Variants in FDPS observed in about 807,000 individuals in gnomAD.
FDPS encodes farnesyl pyrophosphate synthase.
In FDPS, 29 loss-of-function variants were observed where a neutral mutation model predicts 49.5. The observed-to-expected ratio is 0.59, with a 90% CI of 0.44 to 0.80. The LOEUF is 0.80. Among genes scored for constraint, FDPS ranks in the 30% least tolerant of loss-of-function variants. FDPS has a pLI of 0.00. For synonymous variants in FDPS, 172 were observed against 206.4 expected (o/e 0.83, Z 1.43); for missense variants, 414 against 525.6 (o/e 0.79, Z 2.08).
At chr1:155,317,881 T>G in intron 4 of FDPS, 60 bp from the exon 5 acceptor site, 2 of 1,462,292 alleles carry the variant, frequency 1.4e-6, no homozygotes, top group East Asian at 4.5e-5. Context: ...GTAGCAGCTC[T>G]GTTGCTGATA....
At chr1:155,314,413 G>A (rs980064739) in intron 4 of FDPS, among the ~76,000 whole-genome samples, 6 of 151,300 alleles carry the variant, frequency 4.0e-5, no homozygotes, top group Non-Finnish European at 7.4e-5. Context: ...TTGTGGCATC[G>A]AGTGATCTGC....
chr1:155,315,071 T>TCAGAGGTAAAGATG (rs1649181371), intron 4 of FDPS, among the ~76,000 whole-genome samples: 1 of 152,190 alleles, frequency 6.6e-6, no homozygotes, highest in Non-Finnish European at 1.5e-5. Flanking sequence ...TGAGTTTAGG[T>TCAGAGGTAAAGATG]CAGAGGTAAA....
In FDPS at chr1:155,313,297, C is replaced by T. The variant is rs189650455; in HGVS notation, c.480+902C>T. Among the ~76,000 whole-genome samples, 11 of 152,294 alleles carry T rather than the reference C, an allele frequency of 7.2e-5. No homozygotes were observed. In the East Asian group the frequency reaches 1.4e-3, roughly 19 times the overall value. ...CATCCCCTTGTCTTCTATACCAGTT[C>T]GTCTTGGTCTTGAAGGTGTCTAGTT... On this transcript the variant is annotated intron_variant, in intron 4 of 10. Transcript: ENST00000368356.
At position 155,318,948 on chromosome 1, in the gene FDPS, C is replaced by A. The variant is rs1195585075; in HGVS notation, c.846+20C>A. The A allele has an allele frequency of 1.2e-5, 19 of 1,565,244 alleles. No homozygotes were observed. The highest frequency in any genetic ancestry group is 1.5e-5 in the Non-Finnish European group (17 of 1,136,452). ...TACATGGTGAGTGAGCCTCCTCACC[C>A]CTCTCTGCTCTGCTGATGGGGGCTT... On this transcript the variant is annotated intron_variant, in intron 8 of 10. Transcript: ENST00000368356. The surrounding 1 kb of genome is among the most constrained non-coding windows in gnomAD (Gnocchi z 4.2).
intron 4 of FDPS, chr1:155,317,645 G>A (rs545701796): frequency 1.3e-5 from 3 of 237,324 alleles, no homozygotes; most frequent in African/African-American, 4.6e-5. Flanking sequence ...AAACCAGCCT[G>A]AGCAACATAG....
In FDPS at chr1:155,308,957, T is replaced by TG. The variant is rs1167885645; in HGVS notation, c.-7dup. On this transcript the variant is annotated 5_prime_UTR_variant, in exon 1 of 11. Transcript: ENST00000368356. Reference sequence around the variant, plus strand: ...GCGGGACCGAGCAGGAATCCGTATCTGGGAACAGGTGAGAGAGGATGTGTG... The same window carrying TG: ...GCGGGACCGAGCAGGAATCCGTATCTGGGGAACAGGTGAGAGAGGATGTGTG... The TG allele has an allele frequency of 6.5e-6, 1 of 153,476 alleles. No homozygotes were observed. Among genetic ancestry groups the TG allele is most frequent in the African/African-American group, 2.4e-5 (1 of 41,456 alleles). 9.5% of individuals were successfully genotyped at this position (153,476 alleles called of 1,614,324 possible).
intron 8 of FDPS, 94 bp from the exon 9 acceptor site, chr1:155,319,516 TG>T: frequency 8.0e-7 from 1 of 1,251,924 alleles, no homozygotes; most frequent in Non-Finnish European, 1.2e-6. Flanking sequence ...AGGAAAGATT[TG>T]GGGCTGCAGT....
At chr1:155,320,382 G>T in intron 10 of FDPS, 27 bp from the exon 11 acceptor site, 2 of 1,600,430 alleles carry the variant, frequency 1.2e-6, no homozygotes, top group South Asian at 2.2e-5. Context: ...GGCCAAGCCC[G>T]TTTTCCTGTC....
chr1:155,319,821 C>T lies in FDPS; in HGVS notation c.952C>T (p.Pro318Ser), dbSNP rs1266955055. The T allele has an allele frequency of 1.2e-6, 2 of 1,614,018 alleles. No individual in the cohort carries two copies. The highest frequency in any genetic ancestry group is 2.2e-5 in the East Asian group (1 of 44,898). Residue 318 changes from proline to serine, a missense_variant, in exon 10 of 11, where the codon CCC becomes TCC. Pro to Ser is a moderately conservative substitution (Grantham distance 74). Transcript: ENST00000368356. ...QDDYLDLFGDPSVTGKIGTDI... is the reference protein window; with the variant it reads ...QDDYLDLFGDSSVTGKIGTDI... ...TGATTACCTTGACCTCTTTGGGGAC[C>T]CCAGTGTGACCGGCAAAATTGGCAC...
rs1557972549 is a variant in FDPS at position 155,309,877 on chromosome 1, CTACGGCGGCCCTCCCTGGTGCACGGG to C, written c.92_117del (p.Arg31ProfsTer53). ...ACCCCGGGAGAGGTGGCTGGGTTCC[CTACGGCGGCCCTCCCTGGTGCACGGG>C]TACCCAGTCCTGGCCTGGCACAGTG... On this transcript the variant is annotated frameshift_variant, in exon 2 of 11. Transcript: ENST00000368356. LOFTEE classifies it high-confidence loss of function. The C allele has an allele frequency of 3.8e-6, 6 of 1,590,250 alleles. No individual in the cohort carries two copies. Among genetic ancestry groups the C allele is most frequent in the Non-Finnish European group, 5.1e-6 (6 of 1,167,380 alleles).
intron 4 of FDPS, among the ~76,000 whole-genome samples, chr1:155,313,805 G>C (rs1183864652): frequency 2.0e-5 from 3 of 152,064 alleles, no homozygotes; most frequent in Non-Finnish European, 1.5e-5. Context: ...GGGGCCAGTG[G>C]TTAACTGGTA....
At position 155,319,615 on chromosome 1, in the gene FDPS, G is replaced by A. The variant is rs1650022250; in HGVS notation, c.851G>A (p.Gly284Glu). The change falls in exon 9 of 11, where the codon GGA (glycine) becomes GAA (glutamate). Residue 284 changes from glycine to glutamate, a missense_variant. Transcript: ENST00000368356. ...LPIAAAMYMA[G>E]IDGEKEHANA... ...TTAACCCCCCTTTCCCTGCAGGCAG[G>A]AATTGATGGCGAGAAGGAGCACGCC... 2 of 1,614,146 alleles carry A rather than the reference G, an allele frequency of 1.2e-6. No individual in the cohort carries two copies. Among genetic ancestry groups the A allele is most frequent in the Non-Finnish European group, 1.7e-6 (2 of 1,180,038 alleles).
chr1:155,311,978 AT>A (rs1426389571), intron 3 of FDPS, among the ~76,000 whole-genome samples: 1 of 152,020 alleles, frequency 6.6e-6, no homozygotes, highest in African/African-American at 2.4e-5. Context: ...TCTCAAAAAA[AT>A]AAATAAATAA....
intron 4 of FDPS, chr1:155,317,247 G>A (rs1038635786): frequency 6.6e-6 from 1 of 152,226 alleles, no homozygotes; most frequent in African/African-American, 2.4e-5. Flanking sequence ...AGGAAGTAAT[G>A]TGAAGTCAGT....
Position 155,318,804 on chromosome 1 carries a change from G to C in FDPS, c.773+51G>C. ...AACCATGTCTGGACAGCGAGGGAGGGCTCAGGATGTGCATTGCCCTCCTGA... is the reference window on the plus strand; with the variant it reads ...AACCATGTCTGGACAGCGAGGGAGGCCTCAGGATGTGCATTGCCCTCCTGA... On this transcript the variant is annotated intron_variant, in intron 7 of 10. Coordinates refer to ENST00000368356, the MANE Select transcript of FDPS (RefSeq NM_002004.4). The surrounding 1 kb of genome is among the most constrained non-coding windows in gnomAD (Gnocchi z 4.2). The C allele has an allele frequency of 6.3e-7, 1 of 1,582,040 alleles. No individual in the cohort carries two copies. The highest frequency in any genetic ancestry group is 8.7e-7 in the Non-Finnish European group (1 of 1,150,788).
intron 3 of FDPS, among the ~76,000 whole-genome samples, chr1:155,311,168 G>A (rs538752892): frequency 7.8e-4 from 118 of 152,034 alleles, no homozygotes; most frequent in African/African-American, 2.7e-3. Context: ...TGAAACCCCC[G>A]TCTCTACTAA....
At chr1:155,317,734 C>T in intron 4 of FDPS, 1 of 523,782 alleles carries the variant, frequency 1.9e-6, no homozygotes, top group South Asian at 2.5e-5. Flanking sequence ...GTCTCAGGAA[C>T]TCAGGAAGCT....
At chr1:155,316,467 C>T (rs10908463) in intron 4 of FDPS, among the ~76,000 whole-genome samples, 40,242 of 151,730 alleles carry the variant, frequency 0.27, 5,934 homozygotes, top group East Asian at 0.72. Context: ...AAAAAGCAAC[C>T]CAAACCATGT....
At position 155,318,607 on chromosome 1, in the gene FDPS, C is replaced by A; in HGVS notation, c.685-58C>A. On this transcript the variant is annotated intron_variant, in intron 6 of 10. Coordinates refer to ENST00000368356, the MANE Select transcript of FDPS (RefSeq NM_002004.4). The surrounding 1 kb of genome is among the most constrained non-coding windows in gnomAD (Gnocchi z 4.2). ...GGTATGGGATGTTGGGCTTGGGATA[C>A]CAGGGTTTCGCATATCTGGAGAAAG... The A allele has an allele frequency of 7.5e-7, 1 of 1,332,810 alleles. No individual in the cohort carries two copies. Among genetic ancestry groups the A allele is most frequent in the Non-Finnish European group, 1.1e-6 (1 of 925,240 alleles). The allele number at this position is 1,332,810 out of a possible 1,614,324, so 82.6% of individuals were successfully genotyped here.
Sources: gnomAD v4.1 joint callset for allele counts (sites outside exome capture counted in the v4.1 genomes callset) on GRCh38, gnomAD v4.1.1 for gene constraint, Gnocchi (gnomAD v3.1) non-coding constraint, MANE v1.5 for transcripts, NCBI Gene and HGNC (gene_info 2026-07-23, HGNC 2026-07-21) for gene names.